Variants in ESR1 observed in about 807,000 individuals in gnomAD.
ESR1 encodes the protein estrogen receptor.
Under a neutral mutation model 52.7 loss-of-function variants are expected in ESR1, and 12 were observed. The observed-to-expected ratio is 0.23, with a 90% CI of 0.15 to 0.37. The LOEUF (loss-of-function observed/expected upper bound fraction) is 0.37. ESR1 is among the 10% of genes least tolerant of loss of function. ESR1 has a pLI of 1.00. For missense variants in ESR1, 584 were observed against 779.7 expected, an observed-to-expected ratio of 0.75 and a Z score of 2.99; for synonymous variants, 305 against 316.8, an observed-to-expected ratio of 0.96 and a Z score of 0.39.
At chr6:151,713,242 G>A (rs1206314000) in intron 2 of ESR1, among the ~76,000 whole-genome samples, 1 of 152,162 alleles carries the variant, frequency 6.6e-6, no homozygotes, top group Non-Finnish European at 1.5e-5. Context: ...CAGTTTGCCA[G>A]TATTTTATCG....
At chr6:151,939,911 AAAC>A (rs1424145463) in intron 3 of ESR1, among the ~76,000 whole-genome samples, 2 of 152,200 alleles carry the variant, frequency 1.3e-5, no homozygotes, top group Admixed American at 6.5e-5. Context: ...ACAAAACAAA[AAAC>A]AATAATATTT....
intron 3 of ESR1, among the ~76,000 whole-genome samples, chr6:151,885,945 C>A (rs1793771012): frequency 6.6e-6 from 1 of 152,066 alleles, no homozygotes; most frequent in African/African-American, 2.4e-5. Flanking sequence ...AAATATAAAT[C>A]TAAAGTGCCA....
rs988099345 is a variant in ESR1, at chr6:151,984,748, A to AC, written c.1097-26907dup. On this transcript the variant is annotated intron_variant, in intron 4 of 7. Transcript: ENST00000206249. ...TTCTGCTTTTATGACCCTTGTTTCT[A>AC]CAAAGTAATCTCTACTCATGCTGAA... is the stretch of plus-strand genomic sequence containing the variant. Among the ~76,000 whole-genome samples, 70 of 152,296 alleles carry AC rather than the reference A, an allele frequency of 4.6e-4. 1 individual carries two copies. The highest frequency in any genetic ancestry group is 1.6e-3 in the African/African-American group (67 of 41,528).
chr6:151,913,776 C>CT (rs936741267), intron 3 of ESR1, among the ~76,000 whole-genome samples: 11 of 151,718 alleles, frequency 7.3e-5, no homozygotes, highest in African/African-American at 2.7e-4. Context: ...TGTATCAGAT[C>CT]TTTTTTTTAA....
At chr6:151,942,649 C>CAT (rs1192711055) in intron 3 of ESR1, among the ~76,000 whole-genome samples, 1 of 150,796 alleles carries the variant, frequency 6.6e-6, no homozygotes, top group Non-Finnish European at 1.5e-5. Flanking sequence ...ATATATAAAA[C>CAT]ATATATATAT....
intron 2 of ESR1, among the ~76,000 whole-genome samples, chr6:151,761,927 C>T (rs1784688461): frequency 6.6e-6 from 1 of 152,122 alleles, no homozygotes; most frequent in Non-Finnish European, 1.5e-5. Context: ...TAAAAAGCTC[C>T]CAAGTGAAGT....
chr6:151,866,133 A>G (rs958653220), intron 2 of ESR1, among the ~76,000 whole-genome samples: 4 of 152,238 alleles, frequency 2.6e-5, no homozygotes, highest in African/African-American at 9.6e-5. Flanking sequence ...GTGCCCAACC[A>G]TAAGAACTAT....
intron 3 of ESR1, among the ~76,000 whole-genome samples, chr6:151,907,852 A>T (rs909746142): frequency 2.6e-5 from 4 of 152,210 alleles, no homozygotes; most frequent in African/African-American, 9.6e-5. Context: ...ATATAAAAAG[A>T]TTACTCTGCA....
chr6:152,104,063 A>G (rs1201737007), downstream of ESR1, among the ~76,000 whole-genome samples: 1 of 136,864 alleles, frequency 7.3e-6, no homozygotes, highest in Non-Finnish European at 1.5e-5. Context: ...AAGAGAGATG[A>G]CAGTGCATCT....
At chr6:151,714,123 A>T (rs1239243144) in intron 2 of ESR1, among the ~76,000 whole-genome samples, 1 of 152,154 alleles carries the variant, frequency 6.6e-6, no homozygotes, top group African/African-American at 2.4e-5. Context: ...GGAGCAGGTT[A>T]TTCACTTTCC....
intron 1 of ESR1, among the ~76,000 whole-genome samples, chr6:151,833,825 A>G (rs1934735145): frequency 6.6e-6 from 1 of 152,192 alleles, no homozygotes; most frequent in South Asian, 2.1e-4. Context: ...TGAAGCGTAC[A>G]TTTCACTGGG....
In ESR1 at chr6:151,944,518, C is replaced by T. The variant is rs553806310; in HGVS notation, c.1096+10C>T. ...GCGAAGAGGGTGCCAGGTAAGAATGCGAAGCGCAGCTTTTAAGAGTCAATA... is the reference window on the plus strand; with the variant it reads ...GCGAAGAGGGTGCCAGGTAAGAATGTGAAGCGCAGCTTTTAAGAGTCAATA... On this transcript the variant is annotated intron_variant, in intron 4 of 7. Transcript: ENST00000206249. 2.2e-5 allele frequency: 35 copies of T among 1,612,048 alleles called. No individual in the cohort carries two copies. The highest frequency in any genetic ancestry group is 6.7e-5 in the East Asian group (3 of 44,884).
chr6:151,800,103 C>A (rs1157925673), upstream of ESR1, among the ~76,000 whole-genome samples: 3 of 152,092 alleles, frequency 2.0e-5, no homozygotes. Context: ...AGGTACCTGG[C>A]AAAGTGGACT....
At chr6:151,969,251 A>T (rs1187536543) in intron 4 of ESR1, among the ~76,000 whole-genome samples, 1 of 152,168 alleles carries the variant, frequency 6.6e-6, no homozygotes, top group African/African-American at 2.4e-5. Context: ...TTTATTTTTA[A>T]AAAATATTTT....
At chr6:151,686,341 C>T (rs1000761281), upstream of ESR1, among the ~76,000 whole-genome samples, 4 of 152,078 alleles carry the variant, frequency 2.6e-5, no homozygotes, top group Non-Finnish European at 5.9e-5. Context: ...CACTCTAGAT[C>T]TGGACACTGA....
At chr6:151,873,364 T>G (rs1199729872) in intron 2 of ESR1, among the ~76,000 whole-genome samples, 1 of 152,168 alleles carries the variant, frequency 6.6e-6, no homozygotes, top group Admixed American at 6.5e-5. Context: ...AAACAATCAA[T>G]GTATAACACA....
rs1487845751 is a variant in ESR1, at chr6:151,899,844, C to T, written c.760+19073C>T. On this transcript the variant is annotated intron_variant, in intron 3 of 7. Coordinates refer to ENST00000206249, the MANE Select transcript of ESR1 (RefSeq NM_000125.4). The stretch of plus-strand genomic sequence containing the variant: ...CCTCACTTCCTAGATGGGATGGCGG[C>T]CGGGAAGAGGCGCTCCTCACTTCCT... Among the ~76,000 whole-genome samples, 3 of 151,760 alleles carry T rather than the reference C, an allele frequency of 2.0e-5. No individual in the cohort carries two copies. The Middle Eastern group carries it at 0.01, about 516-fold the overall frequency.
chr6:151,975,947 G>A lies in ESR1; in HGVS notation c.1096+31439G>A, dbSNP rs967214964. Among the ~76,000 whole-genome samples the A allele has an allele frequency of 3.9e-5, 6 of 152,300 alleles. No homozygotes were observed. In the East Asian group the frequency reaches 1.2e-3, roughly 29 times the overall value. The stretch of plus-strand genomic sequence containing the variant: ...GCCTCCCCTTAACTGGGTAGGCAGT[G>A]TGAAATACCTGCAGTGTACTTGACC... On this transcript the variant is annotated intron_variant, in intron 4 of 7. Transcript: ENST00000206249.
chr6:152,117,327 C>T (rs903233405), intron 6 of ESR1, among the ~76,000 whole-genome samples: 5 of 152,126 alleles, frequency 3.3e-5, no homozygotes, highest in African/African-American at 4.8e-5. Context: ...AGAATGTGTC[C>T]GGCAGGATTT....
Sources: allele counts gnomAD v4.1 joint callset (sites outside exome capture counted in the v4.1 genomes callset), GRCh38; gene constraint gnomAD v4.1.1; transcripts MANE v1.5; gene names NCBI Gene and HGNC (gene_info 2026-07-23, HGNC 2026-07-21).